Variants in COL23A1 observed in about 807,000 individuals in gnomAD.
The protein encoded by COL23A1 is collagen alpha-1(XXIII) chain.
COL23A1 carries 97 observed loss-of-function variants against 99.3 expected under a neutral mutation model. That is an observed-to-expected ratio of 0.98 (90% CI 0.83 to 1.16). The LOEUF (loss-of-function observed/expected upper bound fraction) is 1.16. COL23A1 is among the 50% of genes most tolerant of loss of function. The probability of loss-of-function intolerance (pLI) is 0.00; values close to 1 mark genes in which losing one functional copy is unlikely to be tolerated. For missense variants in COL23A1, 762 were observed against 757.4 expected (o/e 1.01, Z -0.07); for synonymous variants, 320 against 308.2 (o/e 1.04, Z -0.40).
chr5:178,352,702 T>C (rs1761397576), intron 2 of COL23A1, among the ~76,000 whole-genome samples: 1 of 152,214 alleles, frequency 6.6e-6, no homozygotes. Context: ...GGAAGATGCA[T>C]TCTCTTTCTA....
intron 18 of COL23A1, among the ~76,000 whole-genome samples, 166 bp downstream of exon 18, chr5:178,249,895 G>A (rs1328927830): frequency 2.0e-5 from 3 of 151,276 alleles, no homozygotes; most frequent in African/African-American, 7.3e-5. Context: ...GGCAGACCAG[G>A]GTTTGCACAC....
intron 2 of COL23A1, among the ~76,000 whole-genome samples, chr5:178,437,213 A>C (rs1766607562): frequency 6.6e-6 from 1 of 152,196 alleles, no homozygotes; most frequent in African/African-American, 2.4e-5. Context: ...TTAAAAGAGA[A>C]AAACATACAA....
At chr5:178,552,824 C>T (rs1762070143) in intron 2 of COL23A1, among the ~76,000 whole-genome samples, 1 of 151,962 alleles carries the variant, frequency 6.6e-6, no homozygotes, top group Non-Finnish European at 1.5e-5. Flanking sequence ...AGTGATTCTC[C>T]TGCCTCAGTC....
chr5:178,509,187 C>T lies in COL23A1; in HGVS notation c.361+51495G>A, dbSNP rs1157854374. Among the ~76,000 whole-genome samples, 11 of 151,420 alleles carry T rather than the reference C, an allele frequency of 7.3e-5. No homozygotes were observed. In the South Asian group the frequency reaches 1.5e-3, roughly 20 times the overall value. ...CACCTCCCACCCCCGCCCACCCCAC[C>T]GGCATCGGACCTCCGGAATCAGAAC... On this transcript the variant is annotated intron_variant, in intron 2 of 28. Transcript: ENST00000390654.
intron 2 of COL23A1, among the ~76,000 whole-genome samples, chr5:178,392,931 G>A (rs146583318): frequency 6.6e-6 from 1 of 152,330 alleles, no homozygotes; most frequent in African/African-American, 2.4e-5. Flanking sequence ...CACTGTTAGT[G>A]CAACTCCTCA....
chr5:178,364,959 G>A (rs898578175), intron 2 of COL23A1, among the ~76,000 whole-genome samples: 1 of 152,190 alleles, frequency 6.6e-6, no homozygotes, highest in Non-Finnish European at 1.5e-5. Context: ...TGGGCTCCGA[G>A]CTGCTCACTC....
chr5:178,475,364 T>TGAA (rs1315065975), intron 2 of COL23A1, among the ~76,000 whole-genome samples: 1 of 151,986 alleles, frequency 6.6e-6, no homozygotes, highest in Non-Finnish European at 1.5e-5. Context: ...AAGATGCCAT[T>TGAA]GAAGCAGAAA....
At chr5:178,302,520 A>G (rs942795783) in intron 3 of COL23A1, among the ~76,000 whole-genome samples, 3 of 152,086 alleles carry the variant, frequency 2.0e-5, no homozygotes, top group African/African-American at 4.8e-5. Context: ...GCTCCACCAC[A>G]TTACAACTCT....
At chr5:178,555,456 C>A (rs1384787732) in intron 2 of COL23A1, among the ~76,000 whole-genome samples, 1 of 152,160 alleles carries the variant, frequency 6.6e-6, no homozygotes, top group Non-Finnish European at 1.5e-5. Flanking sequence ...TAGGTCACTC[C>A]AGCAGAGGCT....
rs1288183267 is a variant in COL23A1, at chr5:178,384,152, G to A, written c.362-77233C>T. On this transcript the variant is annotated intron_variant, in intron 2 of 28. Transcript: ENST00000390654. The surrounding 1 kb of genome is among the most constrained non-coding windows in gnomAD (Gnocchi z 5.5). ...GTAAAATAAGGCTGGCCATCGAGAA[G>A]ACCGAGAGGCAGGGTCAGGGGCGGC... Among the ~76,000 whole-genome samples the A allele has an allele frequency of 1.3e-5, 2 of 152,196 alleles. No homozygotes were observed. Among genetic ancestry groups the A allele is most frequent in the Non-Finnish European group, 1.5e-5 (1 of 68,036 alleles).
chr5:178,257,381 T>C (rs1023899985), intron 13 of COL23A1, 142 bp downstream of exon 13: 3 of 970,622 alleles, frequency 3.1e-6, no homozygotes, highest in Admixed American at 4.1e-5. Context: ...GGCCGCGGCC[T>C]TCCTCTGCCT....
intron 2 of COL23A1, among the ~76,000 whole-genome samples, chr5:178,464,486 C>A (rs1051348012): frequency 2.6e-5 from 4 of 152,168 alleles, no homozygotes; most frequent in African/African-American, 9.7e-5. Flanking sequence ...TTTCAATGTG[C>A]ACGTACCCCA....
intron 2 of COL23A1, among the ~76,000 whole-genome samples, chr5:178,541,597 A>G (rs756444714): frequency 6.6e-5 from 10 of 152,202 alleles, no homozygotes; most frequent in Non-Finnish European, 1.0e-4. Flanking sequence ...ACTATTTACT[A>G]AACATAACAT....
chr5:178,243,688 GTCC>G (rs1251534140), intron 25 of COL23A1, among the ~76,000 whole-genome samples: 1 of 152,074 alleles, frequency 6.6e-6, no homozygotes, highest in Non-Finnish European at 1.5e-5. Context: ...TCTCAGCACG[GTCC>G]TCATTATAGT....
At chr5:178,549,112 C>T (rs1761870331) in intron 2 of COL23A1, among the ~76,000 whole-genome samples, 2 of 152,276 alleles carry the variant, frequency 1.3e-5, no homozygotes, top group South Asian at 4.1e-4. Context: ...TCTCCTGCCT[C>T]AGCCCCGAGG....
chr5:178,567,206 C>T (rs988704584), intron 1 of COL23A1, among the ~76,000 whole-genome samples: 6 of 152,192 alleles, frequency 3.9e-5, no homozygotes, highest in African/African-American at 1.4e-4. Flanking sequence ...CCTCTGTCTG[C>T]AGAGAAGTTC....
chr5:178,556,989 A>G (rs1446331313), intron 2 of COL23A1, among the ~76,000 whole-genome samples: 1 of 152,200 alleles, frequency 6.6e-6, no homozygotes, highest in Non-Finnish European at 1.5e-5. Flanking sequence ...AAAGTAAAGT[A>G]AAATAAAATA....
At chr5:178,293,390 A>G (rs1016979497) in intron 3 of COL23A1, among the ~76,000 whole-genome samples, 4 of 151,940 alleles carry the variant, frequency 2.6e-5, no homozygotes, top group Non-Finnish European at 4.4e-5. Flanking sequence ...TGGAGGTGGG[A>G]GTTCGGGCAA....
intron 25 of COL23A1, among the ~76,000 whole-genome samples, chr5:178,243,413 G>C (rs946170996): frequency 1.3e-5 from 2 of 149,398 alleles, no homozygotes; most frequent in African/African-American, 2.5e-5. Flanking sequence ...CTTGAACCCG[G>C]GAGACAGAAG....
Sources: gnomAD v4.1 joint callset for allele counts (sites outside exome capture counted in the v4.1 genomes callset) on GRCh38, gnomAD v4.1.1 for gene constraint, Gnocchi (gnomAD v3.1) non-coding constraint, MANE v1.5 for transcripts, NCBI Gene and HGNC (gene_info 2026-07-23, HGNC 2026-07-21) for gene names.